The following TENT4B variants were observed in gnomAD, a reference collection of about 807,000 sequenced individuals.
TENT4B encodes the protein terminal nucleotidyltransferase 4B, also known as PAP associated domain containing 5.
A neutral mutation model predicts 75.0 loss-of-function variants in TENT4B; 10 were observed. The ratio of observed to expected loss-of-function variants is 0.13; its 90% CI spans 0.08 to 0.23. The LOEUF (loss-of-function observed/expected upper bound fraction) is 0.23, where lower values mean the gene tolerates loss of function less well. TENT4B is among the 10% of genes least tolerant of loss of function. The pLI is 1.00. For synonymous variants in TENT4B, 350 were observed against 357.7 expected, an observed-to-expected ratio of 0.98 and a Z score of 0.24; for missense variants, 579 against 893.8, an observed-to-expected ratio of 0.65 and a Z score of 4.49.
At chr16:50,198,157 C>T (rs2030399865) in intron 1 of TENT4B, among the ~76,000 whole-genome samples, 1 of 147,156 alleles carries the variant, frequency 6.8e-6, no homozygotes, top group Non-Finnish European at 1.5e-5. Flanking sequence ...TGGCCCATGA[C>T]TGTAATCCTA....
At chr16:50,153,273 T>TCGCTGCCGCCGCTGCCGC (rs918560929), upstream of TENT4B, among the ~76,000 whole-genome samples, 3 of 136,186 alleles carry the variant, frequency 2.2e-5, no homozygotes, top group East Asian at 2.3e-4. Context: ...CAGGCGCGTC[T>TCGCTGCCGCCGCTGCCGC]CGCTGCCGCC....
At chr16:50,200,438 GAAGAGAA>G (rs2030563087) in intron 1 of TENT4B, among the ~76,000 whole-genome samples, 1 of 151,764 alleles carries the variant, frequency 6.6e-6, no homozygotes, top group African/African-American at 2.4e-5. Flanking sequence ...TAAATAAATA[GAAGAGAA>G]AAGAAAAAAG....
At chr16:50,194,557 T>C (rs2030083700) in intron 1 of TENT4B, among the ~76,000 whole-genome samples, 1 of 151,538 alleles carries the variant, frequency 6.6e-6, no homozygotes, top group Non-Finnish European at 1.5e-5. Context: ...TCAGGTTCAT[T>C]GAATTTGCTT....
chr16:50,175,359 C>T (rs75238569), intron 1 of TENT4B, among the ~76,000 whole-genome samples: 2,701 of 152,236 alleles, frequency 0.018, 98 homozygotes, highest in African/African-American at 0.062. Flanking sequence ...AGAAAGTCTT[C>T]GCCAAACCAC....
chr16:50,199,468 A>G (rs1024370793), intron 1 of TENT4B, among the ~76,000 whole-genome samples: 1 of 152,254 alleles, frequency 6.6e-6, no homozygotes, highest in Non-Finnish European at 1.5e-5. Flanking sequence ...AGGATGGAAC[A>G]TTCAATAAAG....
At chr16:50,152,968 C>G (rs1435233664), upstream of TENT4B, 5 of 1,512,938 alleles carry the variant, frequency 3.3e-6, no homozygotes, top group African/African-American at 5.7e-5. Context: ...GCCTCGTCCA[C>G]GCTCAGCACC....
In TENT4B at chr16:50,232,639, G is replaced by C; in HGVS notation, c.*3311G>C. 1 of 985,310 alleles carries C rather than the reference G, an allele frequency of 1.0e-6. No individual in the cohort carries two copies. Among genetic ancestry groups the C allele is most frequent in the Non-Finnish European group, 1.2e-6 (1 of 829,920 alleles). 61.0% of individuals were successfully genotyped at this position (985,310 alleles called of 1,614,324 possible). On this transcript the variant is annotated 3_prime_UTR_variant, in exon 12 of 12. Coordinates refer to ENST00000561678, the MANE Select transcript of TENT4B (RefSeq NM_001365324.3). ...AGAAAAGAGTAATGACCACCGTGAC[G>C]TGCAGGATTCTCTTGCTGTGACATG...
chr16:50,196,307 T>G (rs1340140435), intron 1 of TENT4B, among the ~76,000 whole-genome samples: 1 of 152,140 alleles, frequency 6.6e-6, no homozygotes, highest in Non-Finnish European at 1.5e-5. Context: ...TATTTTGTTT[T>G]GTTTGCTATT....
At chr16:50,179,551 C>G (rs2038373158) in intron 1 of TENT4B, among the ~76,000 whole-genome samples, 1 of 152,066 alleles carries the variant, frequency 6.6e-6, no homozygotes, top group Admixed American at 6.6e-5. Context: ...TGAGGTTAAT[C>G]TGATATTTGC....
rs902515346 is a variant in TENT4B, at chr16:50,230,830, GCTTT to G, written c.*1508_*1511del. 2.6e-5 allele frequency: 26 copies of G among 985,430 alleles called. No homozygotes were observed. The African/African-American group carries it at 4.2e-4, about 16-fold the overall frequency. 61.0% of individuals were successfully genotyped at this position (985,430 alleles called of 1,614,324 possible). A position where few individuals can be genotyped will look rare whatever the true frequency, so the allele number is the denominator to read the frequency against. ...GAATGTAAGTGACATTTCTGAAAAT[GCTTT>G]CTTTCAGGGTGAAAGCTCTTATGTT... is the stretch of plus-strand genomic sequence containing the variant. On this transcript the variant is annotated 3_prime_UTR_variant, in exon 12 of 12. Coordinates refer to ENST00000561678, the MANE Select transcript of TENT4B (RefSeq NM_001365324.3).
Position 50,153,557 on chromosome 16 carries a change from A to G in TENT4B, c.-65A>G. On this transcript the variant is annotated 5_prime_UTR_variant, in exon 1 of 12. Coordinates refer to ENST00000561678, the MANE Select transcript of TENT4B (RefSeq NM_001365324.3). ...GCAGCCGAGGCCGGGCGTGCGCCTG[A>G]GGCGGCGGCGGCGGCGGCCCTGCGG... 2.1e-6 allele frequency: 2 copies of G among 950,108 alleles called. No individual in the cohort carries two copies. Among genetic ancestry groups the G allele is most frequent in the South Asian group, 1.0e-4 (2 of 19,768 alleles). The allele number at this position is 950,108 out of a possible 1,614,324, so 58.9% of individuals were successfully genotyped here. A position where few individuals can be genotyped will look rare whatever the true frequency, so the allele number is the denominator to read the frequency against.
intron 1 of TENT4B, among the ~76,000 whole-genome samples, chr16:50,202,279 GT>G (rs1337512992): frequency 6.6e-6 from 1 of 152,126 alleles, no homozygotes; most frequent in Non-Finnish European, 1.5e-5. Context: ...AGGGAAAGAT[GT>G]TACAAATGGT....
At chr16:50,214,667 A>T (rs1297566011) in intron 3 of TENT4B, among the ~76,000 whole-genome samples, 1 of 152,192 alleles carries the variant, frequency 6.6e-6, no homozygotes, top group East Asian at 1.9e-4. Context: ...AAAAATAAGT[A>T]AGTAAATAAA....
In TENT4B at chr16:50,212,415, C is replaced by T. The variant is rs568134465; in HGVS notation, c.762+969C>T. Among the ~76,000 whole-genome samples the T allele has an allele frequency of 7.2e-5, 11 of 152,232 alleles. No individual in the cohort carries two copies. In the East Asian group the frequency reaches 2.1e-3, roughly 29 times the overall value. On this transcript the variant is annotated intron_variant, in intron 2 of 11. Transcript: ENST00000561678. ...TAGGGCACTTTGAGGGCCTGTTCTA[C>T]AATTTTGTGTATGCAAAGAAGTACA...
At chr16:50,182,890 C>CGT (rs1567488911) in intron 1 of TENT4B, among the ~76,000 whole-genome samples, 1 of 8,258 alleles carries the variant, frequency 1.2e-4, no homozygotes, top group African/African-American at 2.1e-4. Context: ...TTTTATTTTA[C>CGT]CTTTTTTTTT....
At chr16:50,223,418 C>G in intron 7 of TENT4B, 31 bp downstream of exon 7, 20 of 1,474,218 alleles carry the variant, frequency 1.4e-5, no homozygotes, top group Non-Finnish European at 1.9e-5. Context: ...TGTGGGCATT[C>G]AAAGAGAGGG....
At chr16:50,224,319 CA>C (rs2031951873) in intron 7 of TENT4B, among the ~76,000 whole-genome samples, 2 of 152,042 alleles carry the variant, frequency 1.3e-5, no homozygotes, top group South Asian at 4.1e-4. Context: ...AATATAAACC[CA>C]AAAAATATAG....
chr16:50,183,952 T>A (rs2038474780), intron 1 of TENT4B, among the ~76,000 whole-genome samples: 1 of 152,188 alleles, frequency 6.6e-6, no homozygotes, highest in Non-Finnish European at 1.5e-5. Context: ...TTTTATGTTT[T>A]AATGTATTCC....
intron 1 of TENT4B, among the ~76,000 whole-genome samples, chr16:50,203,351 G>C (rs4581696): frequency 2.0e-5 from 3 of 152,218 alleles, no homozygotes; most frequent in African/African-American, 7.2e-5. Flanking sequence ...TTGTCTTTCT[G>C]CTTTGGAACT....
Sources: allele counts gnomAD v4.1 joint callset (sites outside exome capture counted in the v4.1 genomes callset), GRCh38; gene constraint gnomAD v4.1.1; transcripts MANE v1.5; gene names NCBI Gene and HGNC (gene_info 2026-07-23, HGNC 2026-07-21).